RNF17: variants seen among roughly 807,000 people sequenced by gnomAD.
RNF17 encodes the protein spermatogenesis associated 23.
In RNF17, 31 loss-of-function variants were observed where a neutral mutation model predicts 200.5. The observed-to-expected ratio is 0.15, with a 90% CI of 0.12 to 0.21. The LOEUF (loss-of-function observed/expected upper bound fraction) is 0.21. Ranked by LOEUF, RNF17 falls within the 10% of genes least tolerant of loss-of-function variation. RNF17 has a pLI of 1.00. For missense variants in RNF17, 1,628 were observed against 1,905.1 expected, an observed-to-expected ratio of 0.85 and a Z score of 2.71; for synonymous variants, 606 against 637.8, an observed-to-expected ratio of 0.95 and a Z score of 0.75.
At chr13:24,825,431 C>G (rs1888516669) in intron 15 of RNF17, among the ~76,000 whole-genome samples, 188 bp from the exon 16 acceptor site, 1 of 152,020 alleles carries the variant, frequency 6.6e-6, no homozygotes, top group African/African-American at 2.4e-5. Flanking sequence ...ATTTTTATGT[C>G]TATACTAATT....
At chr13:24,834,067 A>G (rs770058290) in intron 18 of RNF17, among the ~76,000 whole-genome samples, 3 of 152,162 alleles carry the variant, frequency 2.0e-5, no homozygotes, top group Non-Finnish European at 2.9e-5. Context: ...ATTTATCTGG[A>G]ACATTGAAAA....
At chr13:24,826,682 A>G (rs1888674037) in intron 16 of RNF17, among the ~76,000 whole-genome samples, 1 of 152,046 alleles carries the variant, frequency 6.6e-6, no homozygotes, top group African/African-American at 2.4e-5. Flanking sequence ...CTGAGGCACG[A>G]GAATCACTTG....
chr13:24,766,427 T>C (rs1879706079), intron 1 of RNF17, among the ~76,000 whole-genome samples: 1 of 152,248 alleles, frequency 6.6e-6, no homozygotes, highest in Non-Finnish European at 1.5e-5. Context: ...TTAATCATGA[T>C]GTTAGGTTTT....
intron 18 of RNF17, among the ~76,000 whole-genome samples, chr13:24,832,382 C>CAACTGTGGGTTCTCAGCAT (rs1479016841): frequency 6.6e-6 from 1 of 151,828 alleles, no homozygotes; most frequent in Non-Finnish European, 1.5e-5. Flanking sequence ...TAAACAAATT[C>CAACTGTGGGTTCTCAGCAT]AACTGTGGGT....
chr13:24,835,684 C>G (rs946964433), intron 18 of RNF17, among the ~76,000 whole-genome samples: 5 of 152,180 alleles, frequency 3.3e-5, no homozygotes, highest in African/African-American at 1.2e-4. Context: ...GTCTTCAGCC[C>G]TAGACCTTCC....
At chr13:24,799,770 T>C (rs1192247463) in intron 12 of RNF17, among the ~76,000 whole-genome samples, 186 bp downstream of exon 12, 2 of 152,136 alleles carry the variant, frequency 1.3e-5, no homozygotes, top group African/African-American at 4.8e-5. Flanking sequence ...TTACCAGTAT[T>C]ACTAGATGGA....
chr13:24,826,156 T>G (rs1001858483), intron 16 of RNF17: 36 of 913,596 alleles, frequency 3.9e-5, no homozygotes, highest in South Asian at 5.0e-5. Context: ...TTTTAATATA[T>G]TCTTCTTTCC....
intron 30 of RNF17, among the ~76,000 whole-genome samples, chr13:24,866,563 C>T (rs1893644004): frequency 6.6e-6 from 1 of 152,184 alleles, no homozygotes; most frequent in East Asian, 1.9e-4. Context: ...TTTCACTTAG[C>T]ATAACATTTT....
intron 15 of RNF17, among the ~76,000 whole-genome samples, chr13:24,820,118 TTTC>T (rs1469801097): frequency 3.4e-5 from 2 of 58,690 alleles, no homozygotes; most frequent in Non-Finnish European, 7.7e-5. Flanking sequence ...TTTTTTCTTT[TTTC>T]TTTTTTTTTT....
At chr13:24,875,225 A>C (rs1054020023) in intron 33 of RNF17, among the ~76,000 whole-genome samples, 1 of 152,196 alleles carries the variant, frequency 6.6e-6, no homozygotes, top group Non-Finnish European at 1.5e-5. Context: ...GCTCAAATTG[A>C]AACAACAACA....
At chr13:24,884,389 A>G (rs1186564310), downstream of RNF17, 3 of 1,614,128 alleles carry the variant, frequency 1.9e-6, no homozygotes, top group Non-Finnish European at 1.7e-6. Flanking sequence ...TGGTCTTCCC[A>G]TCTGCACTCA....
At chr13:24,881,816 C>A (rs1329697189), downstream of RNF17, among the ~76,000 whole-genome samples, 1 of 50,408 alleles carries the variant, frequency 2.0e-5, no homozygotes, top group African/African-American at 9.9e-5. Flanking sequence ...AGATATCTAT[C>A]TATATAGATA....
chr13:24,843,239 C>T (rs1890849128), intron 19 of RNF17, among the ~76,000 whole-genome samples: 1 of 152,114 alleles, frequency 6.6e-6, no homozygotes, highest in South Asian at 2.1e-4. Context: ...TTGAACTGGG[C>T]CGGGCACAGT....
chr13:24,772,022 G>A (rs1022694785), intron 2 of RNF17, among the ~76,000 whole-genome samples: 4 of 152,072 alleles, frequency 2.6e-5, no homozygotes, highest in African/African-American at 9.7e-5. Context: ...AAAAGTGGGG[G>A]CGGTATATGT....
At chr13:24,749,307 C>CTTTCTTTCTTTCTTTTTTTTTT in the RNF17 span, among the ~76,000 whole-genome samples, 1 of 108,032 alleles carries the variant, frequency 9.3e-6, no homozygotes. Flanking sequence ...TTCTTTCTTT[C>CTTTCTTTCTTTCTTTTTTTTTT]TTTTTTTTTT....
In RNF17 at chr13:24,788,150, C is replaced by T; in HGVS notation, c.774C>T (p.Asp258=). ...QLSPSLRTYC[D]LNQIIRTLQL... is the part of the protein sequence containing the mutation. ...CGCCTTCTCTAAGAACATACTGTGA[C>T]CTGAATCAGGTAATTTAATAGTTCA... is the stretch of plus-strand genomic sequence containing the variant. The change falls in exon 7 of 36, where the codon GAC becomes GAT. Residue 258 remains aspartate, a synonymous_variant. Coordinates refer to ENST00000255324, the MANE Select transcript of RNF17 (RefSeq NM_031277.3). 1 of 1,580,266 alleles carries T rather than the reference C, an allele frequency of 6.3e-7. No homozygotes were observed.
intron 22 of RNF17, among the ~76,000 whole-genome samples, chr13:24,847,173 C>T (rs915467124): frequency 2.0e-5 from 3 of 151,812 alleles, no homozygotes; most frequent in Non-Finnish European, 4.4e-5. Flanking sequence ...ATGTGCTTTA[C>T]GTGTGTTAGT....
At chr13:24,855,919 G>A (rs903831047) in intron 25 of RNF17, among the ~76,000 whole-genome samples, 5 of 152,012 alleles carry the variant, frequency 3.3e-5, no homozygotes, top group East Asian at 1.9e-4. Flanking sequence ...CCATGTCTTC[G>A]CTCACTTTCC....
At chr13:24,878,531 A>G (rs754428430) in intron 34 of RNF17, among the ~76,000 whole-genome samples, 5 of 152,192 alleles carry the variant, frequency 3.3e-5, no homozygotes, top group Non-Finnish European at 7.3e-5. Flanking sequence ...GAACTAGGGA[A>G]GCTGACAATG....
Sources: gnomAD v4.1 joint callset for allele counts (sites outside exome capture counted in the v4.1 genomes callset) on GRCh38, gnomAD v4.1.1 for gene constraint, MANE v1.5 for transcripts, NCBI Gene and HGNC (gene_info 2026-07-23, HGNC 2026-07-21) for gene names.